PIGN: variants seen among roughly 807,000 people sequenced by gnomAD.
PIGN encodes GPI ethanolamine phosphate transferase 1.
Under a neutral mutation model 125.4 loss-of-function variants are expected in PIGN, and 117 were observed. The observed-to-expected ratio is 0.93, with a 90% CI of 0.80 to 1.09. The LOEUF (loss-of-function observed/expected upper bound fraction) is 1.09. Among genes scored for constraint, PIGN ranks in the 50% least tolerant of loss-of-function variants. The pLI is 0.00. For synonymous variants in PIGN, 392 were observed against 377.8 expected (o/e 1.04, Z -0.44); for missense variants, 1,075 against 1,094.9 (o/e 0.98, Z 0.26).
At chr18:62,111,703 T>C (rs1314943816) in intron 16 of PIGN, among the ~76,000 whole-genome samples, 1 of 152,136 alleles carries the variant, frequency 6.6e-6, no homozygotes, top group East Asian at 1.9e-4. Flanking sequence ...AGGCCACCTG[T>C]GGTCCAGGAC....
intron 11 of PIGN, 95 bp downstream of exon 11, chr18:62,143,211 G>T: frequency 1.5e-6 from 1 of 680,458 alleles, no homozygotes; most frequent in South Asian, 1.9e-5. Context: ...AAAAGACTTT[G>T]TCAATATTAA....
chr18:62,128,873 T>G (rs2035629923), intron 14 of PIGN, among the ~76,000 whole-genome samples: 1 of 152,186 alleles, frequency 6.6e-6, no homozygotes, highest in South Asian at 2.1e-4. Flanking sequence ...CTATTAAGTT[T>G]CTTCTATTTG....
intron 30 of PIGN, among the ~76,000 whole-genome samples, chr18:62,071,250 A>G (rs906211885): frequency 2.0e-5 from 3 of 152,240 alleles, no homozygotes; most frequent in African/African-American, 2.4e-5. Context: ...TTCTAAACAG[A>G]GATGAGAGAT....
intron 23 of PIGN, among the ~76,000 whole-genome samples, chr18:62,029,348 G>A (rs1384812575): frequency 6.6e-6 from 1 of 152,240 alleles, no homozygotes; most frequent in East Asian, 1.9e-4. Flanking sequence ...GCACCTGATT[G>A]TAAGGTCATT....
intron 10 of PIGN, among the ~76,000 whole-genome samples, chr18:62,144,623 T>C (rs1462793396): frequency 1.3e-5 from 2 of 152,178 alleles, no homozygotes; most frequent in South Asian, 4.1e-4. Flanking sequence ...TTATCCTAAC[T>C]GTGAAAAGAT....
At chr18:62,164,213 A>T in intron 1 of PIGN, among the ~76,000 whole-genome samples, 1 of 152,324 alleles carries the variant, frequency 6.6e-6, no homozygotes, top group Middle Eastern at 3.4e-3. Context: ...ACTTAATTAC[A>T]AGAAGCTGGA....
chr18:62,063,228 A>AGATTTTATCCAAAATCTATGGTTTTATG (rs1181193739), intron 30 of PIGN, among the ~76,000 whole-genome samples: 14 of 148,146 alleles, frequency 9.5e-5, no homozygotes, highest in Non-Finnish European at 1.9e-4. Context: ...ATGGTTTTAT[A>AGATTTTATCCAAAATCTATGGTTTTATG]GATTTTATCC....
chr18:62,034,795 G>A (rs1242041625), intron 23 of PIGN, among the ~76,000 whole-genome samples: 1 of 152,136 alleles, frequency 6.6e-6, no homozygotes, highest in Non-Finnish European at 1.5e-5. Context: ...GACTTGCCTT[G>A]TCTCAGATGA....
chr18:62,163,816 A>T (rs2037037971), intron 1 of PIGN, among the ~76,000 whole-genome samples, 160 bp from the exon 2 acceptor site: 1 of 152,218 alleles, frequency 6.6e-6, no homozygotes, highest in Non-Finnish European at 1.5e-5. Flanking sequence ...TTCTATATAT[A>T]CGCATTAAAC....
chr18:62,019,676 G>A (rs186406884), intron 23 of PIGN, among the ~76,000 whole-genome samples: 1 of 147,530 alleles, frequency 6.8e-6, no homozygotes, highest in East Asian at 1.9e-4. Flanking sequence ...CCTCAGGGAA[G>A]CCTTCCAATG....
chr18:62,122,257 G>A (rs2035336385), intron 14 of PIGN, among the ~76,000 whole-genome samples: 2 of 152,034 alleles, frequency 1.3e-5, no homozygotes, highest in Admixed American at 1.3e-4. Flanking sequence ...AAATTTCCCT[G>A]ATTTGATTAT....
At chr18:62,052,953 G>GT (rs2031435717) in intron 30 of PIGN, 2 of 386,850 alleles carry the variant, frequency 5.2e-6, no homozygotes, top group East Asian at 7.3e-5. Flanking sequence ...TCTGAAGGAA[G>GT]TTTTCTAAAC....
At chr18:62,028,209 T>C (rs2030149190) in intron 23 of PIGN, among the ~76,000 whole-genome samples, 4 of 152,204 alleles carry the variant, frequency 2.6e-5, no homozygotes, top group Admixed American at 2.0e-4. Flanking sequence ...CACGCCTTTA[T>C]ATACCTGAGC....
chr18:62,046,219 G>C (rs553742790), intron 30 of PIGN, among the ~76,000 whole-genome samples: 11 of 152,156 alleles, frequency 7.2e-5, no homozygotes, highest in African/African-American at 2.4e-4. Flanking sequence ...CCAAATCTTT[G>C]AATGCTCAAG....
At chr18:62,168,709 T>G (rs1175571642) in intron 1 of PIGN, among the ~76,000 whole-genome samples, 11 of 152,174 alleles carry the variant, frequency 7.2e-5, no homozygotes, top group Non-Finnish European at 2.9e-5. Flanking sequence ...TATAGCATTT[T>G]TATAGCTTTA....
chr18:62,157,989 T>A, intron 4 of PIGN, 181 bp from the exon 5 acceptor site: 1 of 532,388 alleles, frequency 1.9e-6, no homozygotes, highest in Non-Finnish European at 3.3e-6. Context: ...ACCAGCTGAA[T>A]GCAGCAGCAT....
At chr18:62,151,998 A>G in intron 7 of PIGN, among the ~76,000 whole-genome samples, 1 of 152,174 alleles carries the variant, frequency 6.6e-6, no homozygotes, top group Non-Finnish European at 1.5e-5. Flanking sequence ...ATATTTGCTC[A>G]AGGTGGTCGG....
Position 62,043,286 on chromosome 18 carries a change from G to A in PIGN, c.*2570C>T, listed in dbSNP as rs1291487150. The A allele has an allele frequency of 2.0e-5, 3 of 152,142 alleles. No homozygotes were observed. Among genetic ancestry groups the A allele is most frequent in the Admixed American group, 2.0e-4 (3 of 15,282 alleles). The allele number at this position is 152,142 out of a possible 1,614,324, so 9.4% of individuals were successfully genotyped here. A position where few individuals can be genotyped will look rare whatever the true frequency, so the allele number is the denominator to read the frequency against. On this transcript the variant is annotated 3_prime_UTR_variant, in exon 31 of 31. Transcript: ENST00000640252. Reference sequence around the variant, plus strand: ...CCCTGCAACAGCTACGCCTGTCCTAGAGACCATACCCACGCAATCTCCTTC... The same window carrying A: ...CCCTGCAACAGCTACGCCTGTCCTAAAGACCATACCCACGCAATCTCCTTC...
intron 1 of PIGN, among the ~76,000 whole-genome samples, chr18:62,179,212 A>T (rs1599701994): frequency 6.6e-6 from 1 of 152,284 alleles, no homozygotes; most frequent in East Asian, 1.9e-4. Context: ...ATAAAACTTG[A>T]CCACTTGGCT....
Sources: allele counts gnomAD v4.1 joint callset (sites outside exome capture counted in the v4.1 genomes callset), GRCh38; gene constraint gnomAD v4.1.1; transcripts MANE v1.5; gene names NCBI Gene and HGNC (gene_info 2026-07-23, HGNC 2026-07-21).